NCKAP5: variants seen among roughly 807,000 people sequenced by gnomAD.
NCKAP5 encodes the protein NCK associated protein 5, also known as nck-associated protein 5.
A neutral mutation model predicts 167.0 loss-of-function variants in NCKAP5; 92 were observed. The observed-to-expected ratio is 0.55, with a 90% CI of 0.47 to 0.66. The LOEUF is 0.66. NCKAP5 is among the 30% of genes least tolerant of loss of function. NCKAP5 has a pLI of 0.00. For synonymous variants in NCKAP5, 891 were observed against 877.4 expected, an observed-to-expected ratio of 1.02 and a Z score of -0.27; for missense variants, 2,378 against 2,315.0, an observed-to-expected ratio of 1.03 and a Z score of -0.56.
At chr2:133,287,966 A>T (rs553966710) in intron 4 of NCKAP5, among the ~76,000 whole-genome samples, 1 of 152,322 alleles carries the variant, frequency 6.6e-6, no homozygotes, top group Non-Finnish European at 1.5e-5. Context: ...CCTTTCTCCC[A>T]TTCCAAACAT....
intron 2 of NCKAP5, among the ~76,000 whole-genome samples, chr2:133,544,057 A>T (rs1686448889): frequency 6.6e-6 from 1 of 152,252 alleles, no homozygotes; most frequent in Admixed American, 6.5e-5. Flanking sequence ...CTTCATGACT[A>T]CTTAGAAATA....
chr2:133,425,558 AAAG>A (rs1426655962), intron 3 of NCKAP5, among the ~76,000 whole-genome samples: 4 of 152,228 alleles, frequency 2.6e-5, no homozygotes, highest in African/African-American at 9.6e-5. Flanking sequence ...AGAAAGATAA[AAAG>A]AAGTGACAAG....
At chr2:132,999,733 T>C (rs1012477910) in intron 6 of NCKAP5, among the ~76,000 whole-genome samples, 6 of 152,194 alleles carry the variant, frequency 3.9e-5, no homozygotes, top group African/African-American at 1.2e-4. Flanking sequence ...CTTTTTCACA[T>C]GCTTTCCCTC....
chr2:133,586,195 C>G, the NCKAP5 span, among the ~76,000 whole-genome samples: 2 of 152,080 alleles, frequency 1.3e-5, no homozygotes, highest in Non-Finnish European at 2.9e-5. Flanking sequence ...TATTAATGAC[C>G]AACTGAAGCC....
chr2:132,854,370 TATC>T (rs1689301720), intron 11 of NCKAP5, among the ~76,000 whole-genome samples: 1 of 152,198 alleles, frequency 6.6e-6, no homozygotes, highest in East Asian at 1.9e-4. Context: ...CAAAGTAACA[TATC>T]AATGCTGCCA....
the NCKAP5 span, among the ~76,000 whole-genome samples, chr2:133,630,751 T>C: frequency 1.3e-5 from 2 of 152,158 alleles, no homozygotes; most frequent in Admixed American, 1.3e-4. Flanking sequence ...GTCCTAGACA[T>C]GGGAGTTAGG....
intron 9 of NCKAP5, among the ~76,000 whole-genome samples, chr2:132,871,661 T>C (rs1690828116): frequency 6.6e-6 from 1 of 152,176 alleles, no homozygotes; most frequent in African/African-American, 2.4e-5. Context: ...AGACTCTATA[T>C]CTAACACAGT....
At chr2:133,476,908 C>T (rs187201220) in intron 3 of NCKAP5, among the ~76,000 whole-genome samples, 44 of 152,300 alleles carry the variant, frequency 2.9e-4, no homozygotes, top group African/African-American at 1.1e-3. Flanking sequence ...AGAACAGCTT[C>T]TCATCATGAG....
At position 133,006,765 on chromosome 2, in the gene NCKAP5, A is replaced by G. The variant is rs1275108708; in HGVS notation, c.342-12526T>C. Among the ~76,000 whole-genome samples the G allele has an allele frequency of 2.0e-5, 3 of 152,194 alleles. No homozygotes were observed. The East Asian group carries it at 5.8e-4, about 29-fold the overall frequency. On this transcript the variant is annotated intron_variant, in intron 6 of 19. Transcript: ENST00000409261. ...GCTAATTTTTTTGATGGAGGTGTAAAAGAAAGGCAAGAAAATCTAATTGGC... is the reference window on the plus strand; with the variant it reads ...GCTAATTTTTTTGATGGAGGTGTAAGAGAAAGGCAAGAAAATCTAATTGGC...
chr2:132,784,821 C>G lies in NCKAP5; in HGVS notation c.1990G>C (p.Glu664Gln). The change falls in exon 14 of 20, where the codon GAA becomes CAA. Residue 664 changes from glutamate (E) to glutamine (Q), a missense_variant. Glu to Gln is a conservative substitution (Grantham distance 29). Around this residue, in one of 3 missense-constraint regions of NCKAP5, gnomAD observed 1,049 missense variants for 1,023.4 expected, o/e 1.02. Transcript: ENST00000409261. ...QQRVVKRTSS[E>Q]ECVTVIFDAE... The stretch of plus-strand genomic sequence containing the variant: ...TCAAATATCACAGTCACACATTCTT[C>G]TGAAGAAGTCCTTTTTACAACTCTT... The G allele has an allele frequency of 6.3e-7, 1 of 1,585,068 alleles. No homozygotes were observed. Among genetic ancestry groups the G allele is most frequent in the Non-Finnish European group, 8.6e-7 (1 of 1,164,448 alleles).
intron 6 of NCKAP5, among the ~76,000 whole-genome samples, chr2:133,048,234 A>G (rs2079477072): frequency 1.3e-5 from 2 of 152,076 alleles, no homozygotes; most frequent in Non-Finnish European, 2.9e-5. Flanking sequence ...AAAATTCACT[A>G]CTTGTGGGAA....
chr2:133,234,635 C>T (rs2087309794), intron 4 of NCKAP5, among the ~76,000 whole-genome samples: 1 of 152,030 alleles, frequency 6.6e-6, no homozygotes, highest in South Asian at 2.1e-4. Context: ...TGACTTTGAC[C>T]TCCATCTCTC....
At chr2:132,771,724 G>A (rs2104942543) in intron 16 of NCKAP5, among the ~76,000 whole-genome samples, 1 of 151,292 alleles carries the variant, frequency 6.6e-6, no homozygotes, top group Admixed American at 6.6e-5. Context: ...CCAGGCTAGA[G>A]TGCATTGGCA....
chr2:132,782,686 C>G lies in NCKAP5; in HGVS notation c.4125G>C (p.Lys1375Asn), dbSNP rs1008068295. ...CAGGTGGGATGAGGAGTCCCTCAGACTTTGGAGGGATCCTCAAAGGCAACT... is the reference window on the plus strand; with the variant it reads ...CAGGTGGGATGAGGAGTCCCTCAGAGTTTGGAGGGATCCTCAAAGGCAACT... ...PSKLPLRIPP[K>N]SEGLLIPPGK... The change falls in exon 14 of 20, where the codon AAG becomes AAC. Residue 1375 changes from lysine to asparagine, a missense_variant. Around this residue, in one of 3 missense-constraint regions of NCKAP5, gnomAD observed 1,325 missense variants for 1,274.5 expected, o/e 1.04. Transcript: ENST00000409261. 2 of 1,613,778 alleles carry G rather than the reference C, an allele frequency of 1.2e-6. No individual in the cohort carries two copies. The highest frequency in any genetic ancestry group is 1.7e-6 in the Non-Finnish European group (2 of 1,179,866).
At chr2:133,252,382 C>T (rs932078673) in intron 4 of NCKAP5, among the ~76,000 whole-genome samples, 3 of 152,194 alleles carry the variant, frequency 2.0e-5, no homozygotes, top group Non-Finnish European at 2.9e-5. Flanking sequence ...ATGACTTGAA[C>T]TTCCATTTTC....
At chr2:132,767,617 AC>A (rs562312459) in intron 16 of NCKAP5, among the ~76,000 whole-genome samples, 3 of 152,346 alleles carry the variant, frequency 2.0e-5, no homozygotes, top group Non-Finnish European at 4.4e-5. Context: ...CGAAAAAGGT[AC>A]CTGTATAATC....
At chr2:133,446,511 G>A (rs1691202780) in intron 3 of NCKAP5, among the ~76,000 whole-genome samples, 1 of 152,164 alleles carries the variant, frequency 6.6e-6, no homozygotes, top group African/African-American at 2.4e-5. Context: ...ACTGAAGCAA[G>A]GAAAATTTAA....
At chr2:133,101,051 C>T (rs1047365849) in intron 6 of NCKAP5, among the ~76,000 whole-genome samples, 3 of 151,942 alleles carry the variant, frequency 2.0e-5, no homozygotes, top group African/African-American at 7.3e-5. Context: ...ACGTTTAAAC[C>T]TTTAATCCAT....
intron 5 of NCKAP5, among the ~76,000 whole-genome samples, chr2:133,137,976 G>C (rs1327653721): frequency 2.0e-5 from 3 of 152,156 alleles, no homozygotes; most frequent in Admixed American, 6.5e-5. Flanking sequence ...ATCTTGGTTA[G>C]CTAAACATTT....
Sources: gnomAD v4.1 joint callset for allele counts (sites outside exome capture counted in the v4.1 genomes callset) on GRCh38, gnomAD v4.1.1 for gene constraint, gnomAD v4.1.1 regional missense constraint, MANE v1.5 for transcripts, NCBI Gene and HGNC (gene_info 2026-07-23, HGNC 2026-07-21) for gene names.